Variants in PLXDC1 observed in about 807,000 individuals in gnomAD.
PLXDC1 encodes plexin domain-containing protein 1.
PLXDC1 carries 39 observed loss-of-function variants against 61.3 expected under a neutral mutation model. The observed-to-expected ratio is 0.64, with a 90% CI of 0.49 to 0.83. The LOEUF (loss-of-function observed/expected upper bound fraction) is 0.83. PLXDC1 is among the 40% of genes least tolerant of loss of function. The probability of loss-of-function intolerance (pLI) is 0.00; values close to 1 mark genes in which losing one functional copy is unlikely to be tolerated. For missense variants in PLXDC1, 596 were observed against 666.5 expected, an observed-to-expected ratio of 0.89 and a Z score of 1.17; for synonymous variants, 212 against 254.5, an observed-to-expected ratio of 0.83 and a Z score of 1.59.
At chr17:39,078,252 G>A (rs1441530103) in intron 10 of PLXDC1, among the ~76,000 whole-genome samples, 1 of 152,156 alleles carries the variant, frequency 6.6e-6, no homozygotes, top group Non-Finnish European at 1.5e-5. Context: ...GCTGGACAGG[G>A]TTTTTTTAAA....
chr17:39,148,075 G>A (rs1430260676), intron 1 of PLXDC1, among the ~76,000 whole-genome samples: 1 of 152,122 alleles, frequency 6.6e-6, no homozygotes, highest in Non-Finnish European at 1.5e-5. Context: ...GACGGCAGCT[G>A]GAGTGGGTTA....
rs1296349431 is a variant in PLXDC1, at chr17:39,129,789, GAGAA to G, written c.255+9861_255+9864del. ...AAAGAGAGAAAGAAAAAGAAAGAAA[GAGAA>G]AGAAAGAAAGAAAGGGAAAGAAATT... On this transcript the variant is annotated intron_variant, in intron 2 of 13. Coordinates refer to ENST00000315392, the MANE Select transcript of PLXDC1 (RefSeq NM_020405.5). Among the ~76,000 whole-genome samples the G allele has an allele frequency of 4.5e-3, 584 of 130,884 alleles. 4 individuals carry two copies. Among genetic ancestry groups the G allele is most frequent in the African/African-American group, 0.015 (520 of 34,654 alleles). 85.9% of individuals were successfully genotyped at this position (130,884 alleles called of 152,430 possible). A position where few individuals can be genotyped will look rare whatever the true frequency, so the allele number is the denominator to read the frequency against.
chr17:39,152,519 A>G, upstream of PLXDC1: 1 of 1,237,284 alleles, frequency 8.1e-7, no homozygotes, highest in South Asian at 3.8e-5. Flanking sequence ...CAGGACACGA[A>G]GATGCCTCTT....
intron 11 of PLXDC1, among the ~76,000 whole-genome samples, chr17:39,074,295 G>T (rs1909240925): frequency 6.6e-6 from 1 of 152,130 alleles, no homozygotes; most frequent in Non-Finnish European, 1.5e-5. Flanking sequence ...CTTGAGCCCA[G>T]GAGTTCAAGT....
At chr17:39,070,795 T>C (rs1462303260) in intron 12 of PLXDC1, among the ~76,000 whole-genome samples, 1 of 152,142 alleles carries the variant, frequency 6.6e-6, no homozygotes, top group Non-Finnish European at 1.5e-5. Flanking sequence ...CTGGCCAACA[T>C]GGTGAAACCT....
intron 1 of PLXDC1, among the ~76,000 whole-genome samples, chr17:39,142,159 A>T (rs1216813433): frequency 6.6e-6 from 1 of 152,148 alleles, no homozygotes; most frequent in Non-Finnish European, 1.5e-5. Context: ...GTCTCCAAAC[A>T]TTGCCAAATA....
chr17:39,112,507 G>C (rs1910845226), intron 2 of PLXDC1, among the ~76,000 whole-genome samples: 1 of 141,312 alleles, frequency 7.1e-6, no homozygotes, highest in Admixed American at 7.6e-5. Context: ...GCCCAGGCTG[G>C]AGTGCAGTGG....
chr17:39,124,309 C>A (rs1367536475), intron 2 of PLXDC1, among the ~76,000 whole-genome samples: 1 of 152,232 alleles, frequency 6.6e-6, no homozygotes, highest in Non-Finnish European at 1.5e-5. Flanking sequence ...AGAGCTCAGA[C>A]TGCCTGGGCA....
intron 7 of PLXDC1, among the ~76,000 whole-genome samples, chr17:39,100,323 T>A (rs1364985410): frequency 6.6e-6 from 1 of 152,142 alleles, no homozygotes; most frequent in Non-Finnish European, 1.5e-5. Context: ...TGGTGCGATC[T>A]CAGCTCACTG....
upstream of PLXDC1, chr17:39,152,552 C>G (rs908685557): frequency 3.2e-6 from 4 of 1,245,076 alleles, no homozygotes; most frequent in African/African-American, 3.1e-5. Context: ...CTACTTCGTT[C>G]TTGTGACGGC....
intron 1 of PLXDC1, among the ~76,000 whole-genome samples, chr17:39,141,465 T>C (rs760192076): frequency 3.0e-4 from 45 of 152,370 alleles, no homozygotes; most frequent in Non-Finnish European, 5.6e-4. Flanking sequence ...TATGGCAGAA[T>C]TGACTTCCTT....
rs1190286388 is a variant in PLXDC1, at chr17:39,088,993, GA to G, written c.812-1292del. Among the ~76,000 whole-genome samples the G allele has an allele frequency of 2.4e-5, 3 of 126,534 alleles. No individual in the cohort carries two copies. In the East Asian group the frequency reaches 6.4e-4, roughly 27 times the overall value. The allele number at this position is 126,534 out of a possible 152,430, so 83.0% of individuals were successfully genotyped here. A position where few individuals can be genotyped will look rare whatever the true frequency, so the allele number is the denominator to read the frequency against. ...AGAGAGAGAAAAAGAAAGAAAGAAAGAAAGAGAAAAAGAATAGAAAGAAAAG... is the reference window on the plus strand; with the variant it reads ...AGAGAGAGAAAAAGAAAGAAAGAAAGAAGAGAAAAAGAATAGAAAGAAAAG... On this transcript the variant is annotated intron_variant, in intron 7 of 13. Coordinates refer to ENST00000315392, the MANE Select transcript of PLXDC1 (RefSeq NM_020405.5).
At chr17:39,115,460 GTCCCAAACAGGCCCAACAGACTGCCCTCC>G (rs1910937629) in intron 2 of PLXDC1, among the ~76,000 whole-genome samples, 3 of 152,210 alleles carry the variant, frequency 2.0e-5, no homozygotes, top group African/African-American at 4.8e-5. Flanking sequence ...TCTGCTGCAG[GTCCCAAACAGGCCCAACAGACTGCCCTCC>G]TGGCACACCT....
At chr17:39,087,079 CAA>C (rs1909770171) in intron 8 of PLXDC1, among the ~76,000 whole-genome samples, 1 of 152,158 alleles carries the variant, frequency 6.6e-6, no homozygotes, top group African/African-American at 2.4e-5. Flanking sequence ...GTGGGCTCCA[CAA>C]CAGCAGGTGG....
intron 2 of PLXDC1, among the ~76,000 whole-genome samples, 197 bp downstream of exon 2, chr17:39,139,457 G>T (rs948482510): frequency 6.6e-5 from 10 of 152,176 alleles, no homozygotes; most frequent in African/African-American, 2.4e-4. Flanking sequence ...CCTATGAAAC[G>T]CTGAGATGCT....
At chr17:39,106,890 G>T (rs1377195182) in intron 6 of PLXDC1, among the ~76,000 whole-genome samples, 1 of 151,662 alleles carries the variant, frequency 6.6e-6, no homozygotes, top group African/African-American at 2.4e-5. Context: ...GAGCTCTGAT[G>T]ATCCACCCAC....
chr17:39,101,469 G>A (rs1910416590), intron 7 of PLXDC1, among the ~76,000 whole-genome samples: 1 of 152,170 alleles, frequency 6.6e-6, no homozygotes, highest in African/African-American at 2.4e-5. Flanking sequence ...AGGGCACGGG[G>A]CCCTAAAAAG....
intron 1 of PLXDC1, among the ~76,000 whole-genome samples, chr17:39,143,275 A>G (rs1911993308): frequency 6.6e-6 from 1 of 152,162 alleles, no homozygotes; most frequent in Admixed American, 6.5e-5. Flanking sequence ...ACCATCAGAT[A>G]GGTGGATCTG....
chr17:39,099,777 T>C (rs1286683896), intron 7 of PLXDC1, among the ~76,000 whole-genome samples: 2 of 152,110 alleles, frequency 1.3e-5, no homozygotes, highest in Non-Finnish European at 2.9e-5. Context: ...TTGGGGAAGA[T>C]CCAAGACACT....
Sources: allele counts gnomAD v4.1 joint callset (sites outside exome capture counted in the v4.1 genomes callset), GRCh38; gene constraint gnomAD v4.1.1; transcripts MANE v1.5; gene names NCBI Gene and HGNC (gene_info 2026-07-23, HGNC 2026-07-21).